The following SNX29 variants were observed in gnomAD, a reference collection of about 807,000 sequenced individuals.
The protein encoded by SNX29 is sorting nexin 29.
Under a neutral mutation model 102.1 loss-of-function variants are expected in SNX29, and 78 were observed. That is an observed-to-expected ratio of 0.76 (90% CI 0.64 to 0.92). The LOEUF (loss-of-function observed/expected upper bound fraction) is 0.92. Ranked by LOEUF, SNX29 falls within the 40% of genes least tolerant of loss-of-function variation. SNX29 has a pLI of 0.00. For missense variants in SNX29, 1,280 were observed against 1,061.7 expected (o/e 1.21, Z -2.86); for synonymous variants, 580 against 414.5 (o/e 1.40, Z -4.85).
At chr16:12,004,297 C>T (rs1225366376) in intron 3 of SNX29, among the ~76,000 whole-genome samples, 4 of 151,450 alleles carry the variant, frequency 2.6e-5, no homozygotes, top group Non-Finnish European at 4.4e-5. Context: ...GCCGAGATTG[C>T]GCCACTGTAC....
At chr16:12,007,495 A>G (rs1251361069) in intron 3 of SNX29, among the ~76,000 whole-genome samples, 1 of 152,062 alleles carries the variant, frequency 6.6e-6, no homozygotes, top group Non-Finnish European at 1.5e-5. Flanking sequence ...AGAGAGTAAG[A>G]CTCTCTCAAA....
intron 18 of SNX29, among the ~76,000 whole-genome samples, chr16:12,443,553 C>A (rs887804224): frequency 6.6e-6 from 1 of 152,140 alleles, no homozygotes. Context: ...CCCCTTCAAG[C>A]GATTCTCCTG....
chr16:12,160,815 G>C (rs2055752027), intron 13 of SNX29, among the ~76,000 whole-genome samples: 1 of 152,248 alleles, frequency 6.6e-6, no homozygotes, highest in Admixed American at 6.5e-5. Context: ...CATGGCAGAA[G>C]TGTTAGTGCT....
intron 4 of SNX29, among the ~76,000 whole-genome samples, chr16:12,041,222 C>T (rs1289309575): frequency 1.3e-5 from 2 of 152,180 alleles, no homozygotes; most frequent in Non-Finnish European, 2.9e-5. Flanking sequence ...AATGATTCTC[C>T]TGCCTCAGCC....
chr16:12,572,848 G>C lies in SNX29; in HGVS notation c.*4219G>C, dbSNP rs967441718. On this transcript the variant is annotated 3_prime_UTR_variant, in exon 21 of 21. Coordinates refer to ENST00000566228, the MANE Select transcript of SNX29 (RefSeq NM_032167.5). ...CCAGAAGGGGCAGCCTCATGCCCAGGTTTCAGCCCTAAAGGTAATGATTGT... is the reference window on the plus strand; with the variant it reads ...CCAGAAGGGGCAGCCTCATGCCCAGCTTTCAGCCCTAAAGGTAATGATTGT... The C allele has an allele frequency of 3.0e-5, 32 of 1,063,658 alleles. No homozygotes were observed. Among genetic ancestry groups the C allele is most frequent in the Non-Finnish European group, 3.6e-5 (32 of 878,236 alleles). The allele number at this position is 1,063,658 out of a possible 1,614,324, so 65.9% of individuals were successfully genotyped here. A position where few individuals can be genotyped will look rare whatever the true frequency, so the allele number is the denominator to read the frequency against.
chr16:12,202,481 T>G (rs1483026032), intron 14 of SNX29, among the ~76,000 whole-genome samples: 2 of 152,204 alleles, frequency 1.3e-5, no homozygotes, highest in Non-Finnish European at 2.9e-5. Context: ...TCAGGGCAAA[T>G]TCTTCATGCT....
At chr16:12,237,574 C>T (rs1053707315) in intron 14 of SNX29, among the ~76,000 whole-genome samples, 9 of 151,808 alleles carry the variant, frequency 5.9e-5, no homozygotes, top group African/African-American at 2.2e-4. Flanking sequence ...AGTTTGAGAC[C>T]AGACTGGGCA....
chr16:12,423,813 C>A (rs1251325987), intron 18 of SNX29, among the ~76,000 whole-genome samples: 1 of 152,190 alleles, frequency 6.6e-6, no homozygotes, highest in African/African-American at 2.4e-5. Context: ...CTGAAGTGAT[C>A]CACCAGCCTC....
chr16:12,565,905 C>T (rs926951515), intron 20 of SNX29, among the ~76,000 whole-genome samples: 1 of 152,214 alleles, frequency 6.6e-6, no homozygotes, highest in Non-Finnish European at 1.5e-5. Context: ...TTGGGGCATC[C>T]ACCGTGATCC....
chr16:12,406,396 A>G (rs1202148205), intron 18 of SNX29, among the ~76,000 whole-genome samples: 1 of 152,248 alleles, frequency 6.6e-6, no homozygotes, highest in Non-Finnish European at 1.5e-5. Context: ...AGGATAGAGT[A>G]GACAATCCCC....
chr16:12,526,209 T>A (rs2076779010), intron 20 of SNX29, among the ~76,000 whole-genome samples: 1 of 152,126 alleles, frequency 6.6e-6, no homozygotes, highest in Non-Finnish European at 1.5e-5. Context: ...TGTTTAACGG[T>A]TGTTCTAATG....
intron 11 of SNX29, among the ~76,000 whole-genome samples, chr16:12,124,505 T>G (rs2141370113): frequency 6.6e-6 from 1 of 152,240 alleles, no homozygotes; most frequent in East Asian, 1.9e-4. Context: ...TATTATTTCC[T>G]TAGCGGAGTT....
chr16:12,080,425 A>G (rs976841548), intron 11 of SNX29, among the ~76,000 whole-genome samples: 1 of 152,152 alleles, frequency 6.6e-6, no homozygotes, highest in African/African-American at 2.4e-5. Context: ...GTGTTAATAG[A>G]TCACTCAGTC....
At chr16:12,097,709 G>T (rs2052828818) in intron 11 of SNX29, among the ~76,000 whole-genome samples, 1 of 152,140 alleles carries the variant, frequency 6.6e-6, no homozygotes, top group Admixed American at 6.6e-5. Flanking sequence ...GTTTCTAGCC[G>T]GCTATCTCAG....
chr16:12,403,234 GT>G (rs2084024838), intron 17 of SNX29, among the ~76,000 whole-genome samples: 6 of 148,724 alleles, frequency 4.0e-5, no homozygotes, highest in Non-Finnish European at 6.0e-5. Context: ...GTGTGTGTGT[GT>G]GTGTGTGTGT....
intron 14 of SNX29, among the ~76,000 whole-genome samples, chr16:12,218,069 T>C (rs760750355): frequency 4.0e-5 from 6 of 151,038 alleles, no homozygotes; most frequent in African/African-American, 9.8e-5. Context: ...ATATGAATTA[T>C]GGAAGGCTCT....
chr16:11,994,435 A>C (rs564812185), intron 1 of SNX29, among the ~76,000 whole-genome samples: 1 of 152,164 alleles, frequency 6.6e-6, no homozygotes, highest in Non-Finnish European at 1.5e-5. Context: ...TGTTTGCTGA[A>C]TTTGCACTGG....
chr16:12,107,186 G>A (rs992853179), intron 11 of SNX29, among the ~76,000 whole-genome samples: 3 of 152,152 alleles, frequency 2.0e-5, no homozygotes, highest in East Asian at 3.8e-4. Flanking sequence ...AAGGCTGCAC[G>A]TGAAGGCGAG....
chr16:12,153,232 C>T (rs1597056371), intron 13 of SNX29, among the ~76,000 whole-genome samples: 2 of 152,076 alleles, frequency 1.3e-5, no homozygotes, highest in Non-Finnish European at 2.9e-5. Flanking sequence ...CACTGCACTC[C>T]AGCCTGGGCA....
Sources: allele counts gnomAD v4.1 joint callset (sites outside exome capture counted in the v4.1 genomes callset), GRCh38; gene constraint gnomAD v4.1.1; transcripts MANE v1.5; gene names NCBI Gene and HGNC (gene_info 2026-07-23, HGNC 2026-07-21).